CD6: variants seen among roughly 807,000 people sequenced by gnomAD.
CD6 encodes the protein CD6 molecule.
In CD6, 53 loss-of-function variants were observed where a neutral mutation model predicts 75.3. The ratio of observed to expected loss-of-function variants is 0.70; its 90% CI spans 0.56 to 0.88. The LOEUF (loss-of-function observed/expected upper bound fraction) is 0.88, where lower values mean the gene tolerates loss of function less well. Ranked by LOEUF, CD6 falls within the 40% of genes least tolerant of loss-of-function variation. CD6 has a pLI of 0.00. For synonymous variants in CD6, 359 were observed against 381.5 expected, an observed-to-expected ratio of 0.94 and a Z score of 0.69; for missense variants, 770 against 897.1, an observed-to-expected ratio of 0.86 and a Z score of 1.81.
At chr11:60,987,566 T>C (rs1590680849) in intron 1 of CD6, among the ~76,000 whole-genome samples, 1 of 152,056 alleles carries the variant, frequency 6.6e-6, no homozygotes, top group East Asian at 1.9e-4. Flanking sequence ...TACATGTATG[T>C]ATGTGTGTGT....
intron 1 of CD6, among the ~76,000 whole-genome samples, chr11:61,003,112 G>A (rs1270709357): frequency 6.6e-6 from 1 of 152,128 alleles, no homozygotes; most frequent in East Asian, 1.9e-4. Flanking sequence ...TTACAGGCAT[G>A]TGCCACCACA....
At chr11:60,992,432 T>C (rs1290324322) in intron 1 of CD6, among the ~76,000 whole-genome samples, 1 of 152,162 alleles carries the variant, frequency 6.6e-6, no homozygotes, top group East Asian at 1.9e-4. Context: ...GCTGGGTTTC[T>C]AACCCAGGCA....
chr11:60,985,472 A>G (rs893293780), intron 1 of CD6, among the ~76,000 whole-genome samples: 3 of 152,000 alleles, frequency 2.0e-5, no homozygotes. Flanking sequence ...GGTATAAGCC[A>G]CCGCACCCGG....
intron 1 of CD6, among the ~76,000 whole-genome samples, chr11:60,978,875 T>C (rs7941484): frequency 0.015 from 2,317 of 152,240 alleles, 63 homozygotes; most frequent in African/African-American, 0.053. Flanking sequence ...AGATGATGCA[T>C]CTGAAAATAG....
chr11:61,017,517 C>A lies in CD6; in HGVS notation c.1549C>A (p.Gln517Lys). ...RHRVTDEEVQ[Q>K]SRFQMPPLEE... Reference sequence around the variant, plus strand: ...TCGGGTCACAGATGAGGAGGTCCAGCAAAGCAGGTTCCAGATGCCACCCTT... The same window carrying A: ...TCGGGTCACAGATGAGGAGGTCCAGAAAAGCAGGTTCCAGATGCCACCCTT... The change falls in exon 10 of 13, where the codon CAA becomes AAA. Residue 517 changes from glutamine to lysine, a missense_variant. By Grantham distance (53) the Gln-to-Lys change is moderately conservative. Coordinates refer to ENST00000313421, the MANE Select transcript of CD6 (RefSeq NM_006725.5). 1 of 1,551,332 alleles carries A rather than the reference C, an allele frequency of 6.4e-7. No individual in the cohort carries two copies. Among genetic ancestry groups the A allele is most frequent in the African/African-American group, 1.4e-5 (1 of 72,940 alleles).
intron 1 of CD6, among the ~76,000 whole-genome samples, chr11:60,989,984 A>T (rs543555919): frequency 1.3e-5 from 2 of 152,328 alleles, no homozygotes; most frequent in African/African-American, 4.8e-5. Flanking sequence ...AAGGTTTTTC[A>T]TATATGCTTT....
At position 61,006,589 on chromosome 11, in the gene CD6, C is replaced by A. The variant is rs766424297; in HGVS notation, c.65C>A (p.Ala22Asp). ...TTCATTTCAGGTCATCCATCTCCAG[C>A]CCCACCTGACCAGCTCAACACCAGC... is the stretch of plus-strand genomic sequence containing the variant. ...TAALSGHPSP[A>D]PPDQLNTSSA... is the part of the protein sequence containing the mutation. Residue 22 changes from alanine (A) to aspartate (D), a missense_variant, in exon 2 of 13, where the codon GCC (alanine) becomes GAC (aspartate). By Grantham distance (126) the Ala-to-Asp change is moderately radical. Coordinates refer to ENST00000313421, the MANE Select transcript of CD6 (RefSeq NM_006725.5). The A allele has an allele frequency of 3.1e-6, 5 of 1,608,566 alleles. No individual in the cohort carries two copies. The African/African-American group carries it at 6.7e-5, about 21-fold the overall frequency.
intron 1 of CD6, among the ~76,000 whole-genome samples, chr11:60,994,518 C>G (rs1186317382): frequency 2.0e-5 from 3 of 147,274 alleles, no homozygotes; most frequent in Non-Finnish European, 3.0e-5. Context: ...GGGACTGGGA[C>G]TCTTTGAGCC....
At chr11:61,008,273 G>A in intron 3 of CD6, 1 of 502,530 alleles carries the variant, frequency 2.0e-6, no homozygotes. Context: ...CAGGTTCACA[G>A]GGTCCCTAAG....
intron 1 of CD6, among the ~76,000 whole-genome samples, chr11:61,003,667 G>A (rs898888779): frequency 6.6e-6 from 1 of 152,212 alleles, no homozygotes; most frequent in East Asian, 1.9e-4. Context: ...CCAGGAGGTG[G>A]AGGTTGCAGT....
At chr11:61,018,477 G>A (rs559951904) in intron 12 of CD6, 84 bp downstream of exon 12, 35 of 797,154 alleles carry the variant, frequency 4.4e-5, no homozygotes, top group South Asian at 3.1e-4. Flanking sequence ...GGATGCATTC[G>A]CTCAAGGGGA....
At chr11:60,991,275 C>T (rs1306291406) in intron 1 of CD6, among the ~76,000 whole-genome samples, 1 of 150,070 alleles carries the variant, frequency 6.7e-6, no homozygotes, top group Non-Finnish European at 1.5e-5. Context: ...CTCAGCCTCT[C>T]GAGTAGCTAG....
At chr11:60,979,529 C>T (rs988711363) in intron 1 of CD6, among the ~76,000 whole-genome samples, 5 of 151,416 alleles carry the variant, frequency 3.3e-5, no homozygotes, top group African/African-American at 7.3e-5. Flanking sequence ...TGCAATGCTG[C>T]GATCTCAGCT....
chr11:60,977,034 T>G (rs1288654974), intron 1 of CD6, among the ~76,000 whole-genome samples: 1 of 152,140 alleles, frequency 6.6e-6, no homozygotes, highest in Non-Finnish European at 1.5e-5. Context: ...TAGCGTGGCC[T>G]TCACCGTATT....
At chr11:61,019,166 A>C in intron 12 of CD6, 88 bp from the exon 13 acceptor site, 1 of 915,392 alleles carries the variant, frequency 1.1e-6, no homozygotes, top group South Asian at 1.5e-5. Context: ...GGGGATAGTG[A>C]TGTGGAGCCA....
chr11:60,989,778 A>G (rs370888262), intron 1 of CD6, among the ~76,000 whole-genome samples: 4 of 152,100 alleles, frequency 2.6e-5, no homozygotes, highest in Non-Finnish European at 4.4e-5. Flanking sequence ...TAGGGGCTCT[A>G]TTGTCCCAGA....
chr11:60,983,153 G>C (rs1350882388), intron 1 of CD6, among the ~76,000 whole-genome samples: 1 of 151,208 alleles, frequency 6.6e-6, no homozygotes, highest in Non-Finnish European at 1.5e-5. Context: ...TTGGAGTGCA[G>C]TGTTGTGATC....
intron 1 of CD6, among the ~76,000 whole-genome samples, chr11:61,005,902 G>A (rs889487248): frequency 6.6e-6 from 1 of 150,562 alleles, no homozygotes; most frequent in African/African-American, 2.4e-5. Context: ...TTGCACTCCA[G>A]CCTGGGCAAC....
At position 61,019,483 on chromosome 11, in the gene CD6, A is replaced by G. The variant is rs1859576660; in HGVS notation, c.*165A>G. 2.0e-6 allele frequency: 1 copy of G among 497,196 alleles called. No individual in the cohort carries two copies. The highest frequency in any genetic ancestry group is 3.5e-6 in the Non-Finnish European group (1 of 288,266). The allele number at this position is 497,196 out of a possible 1,614,324, so 30.8% of individuals were successfully genotyped here. On this transcript the variant is annotated 3_prime_UTR_variant, in exon 13 of 13. Coordinates refer to ENST00000313421, the MANE Select transcript of CD6 (RefSeq NM_006725.5). The stretch of plus-strand genomic sequence containing the variant: ...TTATACCTTGTACCCCTCGGTCTCC[A>G]TCCATCAAGCCAAACCTGCTGCCAC...
Sources: allele counts gnomAD v4.1 joint callset (sites outside exome capture counted in the v4.1 genomes callset), GRCh38; gene constraint gnomAD v4.1.1; transcripts MANE v1.5; gene names NCBI Gene and HGNC (gene_info 2026-07-23, HGNC 2026-07-21).